Variants in TNIK observed in about 807,000 individuals in gnomAD.
TNIK encodes the protein TRAF2 and NCK-interacting protein kinase.
TNIK carries 49 observed loss-of-function variants against 191.3 expected under a neutral mutation model. The ratio of observed to expected loss-of-function variants is 0.26; its 90% CI spans 0.20 to 0.32. TNIK has a LOEUF of 0.32. TNIK is among the 10% of genes least tolerant of loss of function. The pLI, the probability that TNIK is intolerant of heterozygous loss-of-function variation, is 1.00. For missense variants in TNIK, 1,155 were observed against 1,702.3 expected (o/e 0.68, Z 5.66); for synonymous variants, 594 against 600.9 (o/e 0.99, Z 0.17).
intron 11 of TNIK, among the ~76,000 whole-genome samples, chr3:171,158,082 C>T (rs1403549175): frequency 6.6e-6 from 1 of 152,190 alleles, no homozygotes; most frequent in Non-Finnish European, 1.5e-5. Flanking sequence ...CAGACAAGCA[C>T]AGATCGGCCT....
chr3:171,087,001 A>T (rs1398753584), intron 24 of TNIK, among the ~76,000 whole-genome samples: 1 of 152,182 alleles, frequency 6.6e-6, no homozygotes, highest in East Asian at 1.9e-4. Context: ...TTGGCCTTGA[A>T]ATCTGTGTAG....
chr3:171,435,335 C>G (rs1286185840), intron 1 of TNIK, among the ~76,000 whole-genome samples: 2 of 152,152 alleles, frequency 1.3e-5, no homozygotes, highest in East Asian at 3.8e-4. Flanking sequence ...CTACCTCCCC[C>G]ATGCTGGGGA....
At chr3:171,228,331 G>C (rs1331892559) in intron 2 of TNIK, 110 bp from the exon 3 acceptor site, 1 of 1,078,756 alleles carries the variant, frequency 9.3e-7, no homozygotes, top group Non-Finnish European at 1.4e-6. Flanking sequence ...ATGTCAATGG[G>C]GGGAGAGAGA....
intron 2 of TNIK, among the ~76,000 whole-genome samples, chr3:171,353,622 T>C (rs1238523054): frequency 3.9e-5 from 6 of 152,136 alleles, no homozygotes; most frequent in Non-Finnish European, 8.8e-5. Flanking sequence ...AACACCTGAC[T>C]ACAAGAGATG....
At chr3:171,407,380 G>A (rs892208170) in intron 1 of TNIK, among the ~76,000 whole-genome samples, 1 of 152,138 alleles carries the variant, frequency 6.6e-6, no homozygotes, top group East Asian at 1.9e-4. Flanking sequence ...ATTTAGAAAC[G>A]TTTTATTTGT....
chr3:171,159,706 A>G lies in TNIK; in HGVS notation c.1016+1564T>C, dbSNP rs984478192. 6.6e-6 allele frequency among the ~76,000 whole-genome samples: 1 copy of G among 152,218 alleles called. No individual in the cohort carries two copies. The highest frequency in any genetic ancestry group is 2.4e-5 in the African/African-American group (1 of 41,456). On this transcript the variant is annotated intron_variant, in intron 11 of 32. Coordinates refer to ENST00000436636, the MANE Select transcript of TNIK (RefSeq NM_015028.4). This position sits in a 1 kb window ranked among gnomAD's most constrained non-coding sequence, Gnocchi z 4.1. ...GACTCAACCATTAACTCTGTGTGTG[A>G]CCTGGGTGCAACCCTTAGGCTGTCG...
intron 2 of TNIK, among the ~76,000 whole-genome samples, chr3:171,239,847 C>A (rs1456809995): frequency 2.0e-5 from 3 of 151,858 alleles, no homozygotes; most frequent in Admixed American, 1.3e-4. Context: ...AGTAAGTAGT[C>A]AAGTGCCTCT....
At chr3:171,069,197 C>G (rs1361583322) in intron 29 of TNIK, among the ~76,000 whole-genome samples, 200 bp from the exon 30 acceptor site, 1 of 152,200 alleles carries the variant, frequency 6.6e-6, no homozygotes, top group African/African-American at 2.4e-5. Flanking sequence ...TTTCTCTACC[C>G]TTTGTCCTTC....
chr3:171,088,237 C>CTTTTTTTTT (rs760417147), intron 23 of TNIK, among the ~76,000 whole-genome samples: 95 of 142,894 alleles, frequency 6.6e-4, no homozygotes, highest in African/African-American at 2.4e-3. Flanking sequence ...AAAGGTTTTT[C>CTTTTTTTTT]TTTTTTTTTT....
chr3:171,169,971 T>C (rs1735080863), intron 9 of TNIK, among the ~76,000 whole-genome samples: 1 of 152,236 alleles, frequency 6.6e-6, no homozygotes, highest in Admixed American at 6.5e-5. Flanking sequence ...GGATTCGTAG[T>C]GTCTTAAGTT....
chr3:171,358,030 G>A (rs1714397498), intron 2 of TNIK, among the ~76,000 whole-genome samples: 1 of 152,138 alleles, frequency 6.6e-6, no homozygotes, highest in Non-Finnish European at 1.5e-5. Context: ...TGTCGGCAAA[G>A]GGACGGCTCC....
chr3:171,244,255 C>T (rs1004611945), intron 2 of TNIK, among the ~76,000 whole-genome samples: 5 of 151,790 alleles, frequency 3.3e-5, no homozygotes, highest in Admixed American at 1.3e-4. Context: ...TTAGTAGAGA[C>T]GGGGTTTCAC....
intron 2 of TNIK, among the ~76,000 whole-genome samples, chr3:171,310,721 T>A (rs538568091): frequency 6.6e-6 from 1 of 152,154 alleles, no homozygotes; most frequent in Non-Finnish European, 1.5e-5. Context: ...TCTTGTTACA[T>A]GTTCATATTT....
At chr3:171,111,868 C>G (rs558653514) in intron 18 of TNIK, among the ~76,000 whole-genome samples, 2 of 152,080 alleles carry the variant, frequency 1.3e-5, no homozygotes, top group African/African-American at 4.8e-5. Flanking sequence ...CTACAAATAC[C>G]GAACTCATAG....
chr3:171,346,307 A>G (rs1226191789), intron 2 of TNIK, among the ~76,000 whole-genome samples: 1 of 152,222 alleles, frequency 6.6e-6, no homozygotes, highest in Non-Finnish European at 1.5e-5. Flanking sequence ...AAGAAAAATC[A>G]CTGAAGCTGT....
chr3:171,414,657 C>T (rs1050892688), intron 1 of TNIK, among the ~76,000 whole-genome samples: 6 of 152,190 alleles, frequency 3.9e-5, no homozygotes, highest in Admixed American at 3.3e-4. Context: ...CCAACTCCTA[C>T]TTCAGTGTTC....
chr3:171,144,360 T>G (rs35024662), intron 12 of TNIK, among the ~76,000 whole-genome samples: 8,875 of 152,312 alleles, frequency 0.058, 314 homozygotes, highest in Middle Eastern at 0.12. Flanking sequence ...TTTTGTCTTC[T>G]GTTGATGTTC....
intron 15 of TNIK, among the ~76,000 whole-genome samples, chr3:171,133,047 G>A (rs780537884): frequency 2.0e-5 from 3 of 152,192 alleles, no homozygotes; most frequent in Non-Finnish European, 4.4e-5. Context: ...ATATCGTTGG[G>A]CAAAACCACA....
chr3:171,073,587 C>G (rs1182802812), intron 28 of TNIK, among the ~76,000 whole-genome samples: 1 of 152,076 alleles, frequency 6.6e-6, no homozygotes, highest in Non-Finnish European at 1.5e-5. Context: ...AGTAAGGAGA[C>G]AACCTACATG....
Sources: gnomAD v4.1 joint callset for allele counts (sites outside exome capture counted in the v4.1 genomes callset) on GRCh38, gnomAD v4.1.1 for gene constraint, Gnocchi (gnomAD v3.1) non-coding constraint, MANE v1.5 for transcripts, NCBI Gene and HGNC (gene_info 2026-07-23, HGNC 2026-07-21) for gene names.